The following CNBD1 variants were observed in gnomAD, a reference collection of about 807,000 sequenced individuals.
CNBD1 encodes cyclic nucleotide-binding domain-containing protein 1.
CNBD1 carries 71 observed loss-of-function variants against 54.4 expected under a neutral mutation model. That is an observed-to-expected ratio of 1.30 (90% confidence interval 1.08 to 1.59). The LOEUF (loss-of-function observed/expected upper bound fraction) is 1.59. CNBD1 is among the 40% of genes most tolerant of loss of function. CNBD1 has a pLI of 0.00. For missense variants in CNBD1, 659 were observed against 518.0 expected (o/e 1.27, Z -2.64); for synonymous variants, 182 against 170.7 (o/e 1.07, Z -0.51).
chr8:87,426,039 C>T (rs377597840), intron 2 of CNBD1, among the ~76,000 whole-genome samples: 60 of 152,310 alleles, frequency 3.9e-4, no homozygotes, highest in African/African-American at 1.4e-3. Flanking sequence ...TTTTTAAGCC[C>T]GTCGGAAAAT....
intron 4 of CNBD1, among the ~76,000 whole-genome samples, chr8:87,188,131 C>T (rs113102128): frequency 6.6e-6 from 1 of 152,124 alleles, no homozygotes; most frequent in Non-Finnish European, 1.5e-5. Flanking sequence ...ACTGATATAT[C>T]CTCTCTTTCC....
chr8:87,185,562 T>C lies in CNBD1; in HGVS notation c.432-20431T>C, dbSNP rs1014245203. ...AGTCTATGGCACATTTTTTTCCTAA[T>C]GCATAGGTAAAACTCATATGTGGTC... is the stretch of plus-strand genomic sequence containing the variant. On this transcript the variant is annotated intron_variant, in intron 4 of 10. Coordinates refer to ENST00000518476, the MANE Select transcript of CNBD1 (RefSeq NM_173538.3). Among the ~76,000 whole-genome samples, 30 of 152,330 alleles carry C rather than the reference T, an allele frequency of 2.0e-4. No individual in the cohort carries two copies. In the Middle Eastern group the frequency reaches 0.014, roughly 69 times the overall value.
intron 8 of CNBD1, among the ~76,000 whole-genome samples, chr8:87,343,160 A>C (rs921516035): frequency 1.3e-5 from 2 of 152,196 alleles, no homozygotes; most frequent in African/African-American, 2.4e-5. Flanking sequence ...CCAACCACGC[A>C]GGCAGTCAGA....
intron 6 of CNBD1, among the ~76,000 whole-genome samples, chr8:87,255,786 T>C (rs116245130): frequency 7.2e-4 from 109 of 150,848 alleles, no homozygotes; most frequent in African/African-American, 2.6e-3. Context: ...CTGGGTCTCA[T>C]TTTTCTTATT....
intron 2 of CNBD1, among the ~76,000 whole-genome samples, chr8:87,402,846 A>G (rs1563588449): frequency 6.6e-6 from 1 of 152,082 alleles, no homozygotes; most frequent in Non-Finnish European, 1.5e-5. Context: ...AAAGCCATCT[A>G]ATGGAGACTA....
At chr8:86,989,110 AAC>A (rs1808678623) in intron 4 of CNBD1, among the ~76,000 whole-genome samples, 1 of 152,032 alleles carries the variant, frequency 6.6e-6, no homozygotes, top group African/African-American at 2.4e-5. Context: ...GACTCTACTA[AAC>A]ATTAAAAAAA....
intron 6 of CNBD1, among the ~76,000 whole-genome samples, chr8:87,281,969 T>G (rs889123885): frequency 6.7e-6 from 1 of 149,844 alleles, no homozygotes; most frequent in African/African-American, 2.5e-5. Flanking sequence ...ATTTTTCTTC[T>G]AAAAATATTT....
At chr8:87,143,374 C>T (rs900493317) in intron 4 of CNBD1, among the ~76,000 whole-genome samples, 6 of 152,134 alleles carry the variant, frequency 3.9e-5, no homozygotes, top group Non-Finnish European at 7.3e-5. Context: ...CTAAGGGCAC[C>T]TACATCAACA....
intron 8 of CNBD1, among the ~76,000 whole-genome samples, chr8:87,327,775 C>T (rs372760613): frequency 7.2e-5 from 11 of 152,252 alleles, no homozygotes; most frequent in East Asian, 3.9e-4. Context: ...GCGTCGCTCA[C>T]GCTGGGAGCT....
intron 8 of CNBD1, among the ~76,000 whole-genome samples, chr8:87,306,869 T>C (rs1809162445): frequency 6.6e-6 from 1 of 151,926 alleles, no homozygotes; most frequent in South Asian, 2.1e-4. Context: ...AAGAACTTAA[T>C]CATATAACCA....
intron 10 of CNBD1, among the ~76,000 whole-genome samples, chr8:87,367,426 G>A (rs1377906742): frequency 6.6e-6 from 1 of 152,050 alleles, no homozygotes; most frequent in Non-Finnish European, 1.5e-5. Context: ...AGATGGTGAA[G>A]CTTAGAACAG....
At chr8:87,040,433 T>A (rs1414460776) in intron 4 of CNBD1, among the ~76,000 whole-genome samples, 2 of 150,114 alleles carry the variant, frequency 1.3e-5, no homozygotes, top group Non-Finnish European at 3.0e-5. Flanking sequence ...CTTTTTTTTT[T>A]TTTTTTTTGA....
intron 4 of CNBD1, among the ~76,000 whole-genome samples, chr8:86,948,235 T>G (rs1291458798): frequency 6.6e-6 from 1 of 152,172 alleles, no homozygotes; most frequent in Non-Finnish European, 1.5e-5. Flanking sequence ...AATAGAGATA[T>G]CTCTTCAATA....
chr8:87,152,573 G>A (rs1053933687), intron 4 of CNBD1, among the ~76,000 whole-genome samples: 26 of 151,910 alleles, frequency 1.7e-4, no homozygotes, highest in African/African-American at 7.3e-5. Flanking sequence ...GGCTGGTATC[G>A]AACCAACCTT....
intron 8 of CNBD1, among the ~76,000 whole-genome samples, chr8:87,348,814 G>A (rs760104921): frequency 6.6e-6 from 1 of 152,122 alleles, no homozygotes; most frequent in Non-Finnish European, 1.5e-5. Context: ...TTTAGAATTA[G>A]AATAAAATGA....
At chr8:87,126,651 A>T (rs997410810) in intron 4 of CNBD1, among the ~76,000 whole-genome samples, 5 of 151,934 alleles carry the variant, frequency 3.3e-5, no homozygotes, top group African/African-American at 9.7e-5. Context: ...TTAAATTTTG[A>T]TGAAGTTTAA....
At chr8:87,372,870 G>C (rs1360844436) in intron 10 of CNBD1, among the ~76,000 whole-genome samples, 1 of 151,540 alleles carries the variant, frequency 6.6e-6, no homozygotes, top group Non-Finnish European at 1.5e-5. Context: ...TCCACTTTTT[G>C]TGGGCTCCCA....
rs773905129 is a variant in CNBD1 at position 87,206,106 on chromosome 8, T to C, written c.545T>C (p.Val182Ala). Residue 182 changes from valine to alanine, a missense_variant, in exon 5 of 11, where the codon GTC becomes GCC. Coordinates refer to ENST00000518476, the MANE Select transcript of CNBD1 (RefSeq NM_173538.3). ...DKHLKTLSKT[V>A]FSETWLKGST... ...CATCTGAAAACACTTAGTAAGACTG[T>C]CTTTTCCGAAACCTGGTTGAAAGGC... 6.3e-7 allele frequency: 1 copy of C among 1,591,026 alleles called. No individual in the cohort carries two copies. The highest frequency in any genetic ancestry group is 8.5e-7 in the Non-Finnish European group (1 of 1,170,354).
At chr8:87,347,048 T>C (rs1810189578) in intron 8 of CNBD1, among the ~76,000 whole-genome samples, 1 of 152,196 alleles carries the variant, frequency 6.6e-6, no homozygotes, top group East Asian at 1.9e-4. Flanking sequence ...AGAGTATTGC[T>C]CTTTGGGGGC....
Sources: allele counts gnomAD v4.1 joint callset (sites outside exome capture counted in the v4.1 genomes callset), GRCh38; gene constraint gnomAD v4.1.1; transcripts MANE v1.5; gene names NCBI Gene and HGNC (gene_info 2026-07-23, HGNC 2026-07-21).